PMFBP1: variants seen among roughly 807,000 people sequenced by gnomAD.
PMFBP1 encodes polyamine-modulated factor 1-binding protein 1.
A neutral mutation model predicts 137.8 loss-of-function variants in PMFBP1; 131 were observed. The observed-to-expected ratio is 0.95, with a 90% CI of 0.82 to 1.10. The LOEUF (loss-of-function observed/expected upper bound fraction) is 1.10. PMFBP1 is among the 50% of genes least tolerant of loss of function. The pLI, the probability that PMFBP1 is intolerant of heterozygous loss-of-function variation, is 0.00. For missense variants in PMFBP1, 1,199 were observed against 1,175.4 expected (o/e 1.02, Z -0.29); for synonymous variants, 490 against 450.4 (o/e 1.09, Z -1.11).
At chr16:72,229,412 T>G in the PMFBP1 span, among the ~76,000 whole-genome samples, 1 of 152,228 alleles carries the variant, frequency 6.6e-6, no homozygotes, top group Non-Finnish European at 1.5e-5. Flanking sequence ...CTGTTTTAAG[T>G]TCTTCGAGAA....
chr16:72,171,142 A>G, intron 2 of PMFBP1, 55 bp downstream of exon 2: 2 of 1,579,214 alleles, frequency 1.3e-6, no homozygotes, highest in East Asian at 2.2e-5. Context: ...ACATGAAAAA[A>G]GTCCCTTGTA....
the PMFBP1 span, among the ~76,000 whole-genome samples, chr16:72,225,508 A>C: frequency 1.3e-5 from 2 of 151,890 alleles, no homozygotes; most frequent in African/African-American, 4.8e-5. Flanking sequence ...TGGGTAACAC[A>C]GCAAGACCCC....
At chr16:72,149,463 A>T (rs1433409855) in intron 5 of PMFBP1, among the ~76,000 whole-genome samples, 1 of 152,224 alleles carries the variant, frequency 6.6e-6, no homozygotes, top group Non-Finnish European at 1.5e-5. Context: ...AAGAGGAAAA[A>T]ACAGGTCAAT....
At chr16:72,130,103 C>T in intron 12 of PMFBP1, 110 bp downstream of exon 12, 1 of 1,448,334 alleles carries the variant, frequency 6.9e-7, no homozygotes, top group Non-Finnish European at 9.4e-7. Flanking sequence ...GATCTGCCTG[C>T]CTTGGCCTCG....
the PMFBP1 span, among the ~76,000 whole-genome samples, chr16:72,249,347 T>A: frequency 6.6e-6 from 1 of 151,720 alleles, no homozygotes; most frequent in Non-Finnish European, 1.5e-5. Context: ...GTATTTACTA[T>A]GGATCCATTC....
chr16:72,242,148 T>C, the PMFBP1 span, among the ~76,000 whole-genome samples: 3 of 152,212 alleles, frequency 2.0e-5, no homozygotes, highest in African/African-American at 4.8e-5. Flanking sequence ...AAAATTCACC[T>C]TGATTATCAG....
chr16:72,214,502 C>T, the PMFBP1 span, among the ~76,000 whole-genome samples: 4 of 152,126 alleles, frequency 2.6e-5, no homozygotes, highest in South Asian at 2.1e-4. Context: ...GTAGAAGGAA[C>T]GATGAGAAAT....
the PMFBP1 span, among the ~76,000 whole-genome samples, chr16:72,182,964 C>T: frequency 6.6e-6 from 1 of 152,072 alleles, no homozygotes; most frequent in African/African-American, 2.4e-5. Context: ...GCAGGAAGGT[C>T]AGTGGGGGAG....
chr16:72,228,414 C>T, the PMFBP1 span, among the ~76,000 whole-genome samples: 1 of 152,292 alleles, frequency 6.6e-6, no homozygotes, highest in East Asian at 1.9e-4. Context: ...CTTCCCAAGG[C>T]TAACACCTAC....
chr16:72,215,962 C>G, the PMFBP1 span, among the ~76,000 whole-genome samples: 18 of 152,314 alleles, frequency 1.2e-4, no homozygotes, highest in African/African-American at 4.3e-4. Flanking sequence ...ACCAATCTCT[C>G]TCTTCTTCTT....
chr16:72,141,928 T>C (rs1341857424), intron 5 of PMFBP1, among the ~76,000 whole-genome samples: 1 of 151,774 alleles, frequency 6.6e-6, no homozygotes, highest in Non-Finnish European at 1.5e-5. Context: ...TGTCTTTCCC[T>C]AGATCGTTTG....
chr16:72,210,680 T>A, the PMFBP1 span, among the ~76,000 whole-genome samples: 1 of 152,228 alleles, frequency 6.6e-6, no homozygotes, highest in Non-Finnish European at 1.5e-5. Flanking sequence ...AATCAATTTT[T>A]CAGCTTTCTC....
chr16:72,176,209 C>G (rs1157465304), upstream of PMFBP1, among the ~76,000 whole-genome samples: 1 of 152,076 alleles, frequency 6.6e-6, no homozygotes, highest in Non-Finnish European at 1.5e-5. Context: ...TTGGGTCTCT[C>G]CAGAAAGAGG....
rs2042619793 is a variant in PMFBP1 at position 72,135,748 on chromosome 16, T to TTTTTTTTTTTTTTTTTTTTTTTTG, written c.1203+699_1203+700insCAAAAAAAAAAAAAAAAAAAAAAA. ...ATATTTTTAATTTTTCTGTTTTTTTTTTTTTTTTTTTTTTTTGAGACAGGG... is the reference window on the plus strand; with the variant it reads ...ATATTTTTAATTTTTCTGTTTTTTTTTTTTTTTTTTTTTTTTTTTTTTTGTTTTTTTTTTTTTTTTGAGACAGGG... On this transcript the variant is annotated intron_variant, in intron 9 of 20. Transcript: ENST00000237353. Among the ~76,000 whole-genome samples the TTTTTTTTTTTTTTTTTTTTTTTTG allele has an allele frequency of 1.5e-5, 2 of 137,560 alleles. 1 individual carries two copies. The highest frequency in any genetic ancestry group is 3.1e-5 in the Non-Finnish European group (2 of 64,152). 90.2% of individuals were successfully genotyped at this position (137,560 alleles called of 152,430 possible).
upstream of PMFBP1, among the ~76,000 whole-genome samples, chr16:72,178,176 C>A (rs1001534258): frequency 1.3e-5 from 2 of 152,076 alleles, no homozygotes; most frequent in Non-Finnish European, 2.9e-5. Flanking sequence ...TTTCTCTGTG[C>A]TGAGATTGAG....
chr16:72,159,073 T>C (rs1039394169), intron 3 of PMFBP1, among the ~76,000 whole-genome samples: 3 of 152,234 alleles, frequency 2.0e-5, no homozygotes, highest in African/African-American at 7.2e-5. Context: ...TGAGTGTGTA[T>C]GACCCTGCTG....
chr16:72,218,701 C>T, the PMFBP1 span, among the ~76,000 whole-genome samples: 2,140 of 152,318 alleles, frequency 0.014, 18 homozygotes, highest in Non-Finnish European at 0.024. Context: ...TGGGTAACAG[C>T]TTTGAAGGAC....
the PMFBP1 span, among the ~76,000 whole-genome samples, chr16:72,221,805 G>GT: frequency 6.6e-6 from 1 of 152,314 alleles, no homozygotes; most frequent in East Asian, 1.9e-4. Context: ...ATACTTTAAT[G>GT]TTTAGACATA....
chr16:72,175,714 T>A (rs2043256794), upstream of PMFBP1, among the ~76,000 whole-genome samples: 2 of 152,240 alleles, frequency 1.3e-5, no homozygotes, highest in African/African-American at 4.8e-5. Flanking sequence ...TACTAAGCCA[T>A]AAGTCTTTCC....
Sources: allele counts gnomAD v4.1 joint callset (sites outside exome capture counted in the v4.1 genomes callset), GRCh38; gene constraint gnomAD v4.1.1; transcripts MANE v1.5; gene names NCBI Gene and HGNC (gene_info 2026-07-23, HGNC 2026-07-21).